The following TEAD1 variants were observed in gnomAD, a reference collection of about 807,000 sequenced individuals.
TEAD1 encodes the protein transcriptional enhancer factor TEF-1.
Under a neutral mutation model 54.9 loss-of-function variants are expected in TEAD1, and 9 were observed. That is an observed-to-expected ratio of 0.16 (90% CI 0.10 to 0.29). The LOEUF (loss-of-function observed/expected upper bound fraction) is 0.29, where lower values mean the gene tolerates loss of function less well. TEAD1 is among the 10% of genes least tolerant of loss of function. The pLI is 1.00. For synonymous variants in TEAD1, 200 were observed against 187.8 expected (o/e 1.07, Z -0.53); for missense variants, 387 against 535.9 (o/e 0.72, Z 2.74).
At chr11:12,840,172 G>A (rs939483330) in intron 3 of TEAD1, among the ~76,000 whole-genome samples, 2 of 150,570 alleles carry the variant, frequency 1.3e-5, no homozygotes, top group Non-Finnish European at 1.5e-5. Context: ...GCGTGAACCC[G>A]GGAGGCGGAG....
At chr11:12,812,344 C>G (rs1946320102) in intron 3 of TEAD1, among the ~76,000 whole-genome samples, 1 of 152,088 alleles carries the variant, frequency 6.6e-6, no homozygotes, top group South Asian at 2.1e-4. Context: ...CATGATTGAT[C>G]CCTATGTGGT....
intron 9 of TEAD1, among the ~76,000 whole-genome samples, chr11:12,900,653 T>A (rs1422336206): frequency 6.6e-6 from 1 of 152,062 alleles, no homozygotes; most frequent in Non-Finnish European, 1.5e-5. Context: ...TTTTTTTTTT[T>A]AAAGCAGGTC....
At chr11:12,858,347 A>C (rs897538084) in intron 3 of TEAD1, among the ~76,000 whole-genome samples, 13 of 152,204 alleles carry the variant, frequency 8.5e-5, no homozygotes, top group Admixed American at 2.0e-4. Context: ...AATGTTTTTG[A>C]TTTAAAGGAT....
chr11:12,917,508 G>T (rs1401214265), intron 10 of TEAD1, among the ~76,000 whole-genome samples: 1 of 152,194 alleles, frequency 6.6e-6, no homozygotes, highest in Non-Finnish European at 1.5e-5. Flanking sequence ...TAACAGTTAA[G>T]GCTGTCTGGC....
intron 12 of TEAD1, among the ~76,000 whole-genome samples, chr11:12,934,849 A>G (rs1394850315): frequency 6.6e-6 from 1 of 152,138 alleles, no homozygotes; most frequent in Non-Finnish European, 1.5e-5. Context: ...ATGGTCCTTC[A>G]GGATGAAAGA....
At chr11:12,877,529 T>C (rs943439924) in intron 5 of TEAD1, among the ~76,000 whole-genome samples, 5 of 152,130 alleles carry the variant, frequency 3.3e-5, no homozygotes, top group East Asian at 1.9e-4. Context: ...CATGGTGGCA[T>C]ATGCCTGTAA....
chr11:12,901,810 G>T, intron 9 of TEAD1, 130 bp from the exon 10 acceptor site: 1 of 1,014,644 alleles, frequency 9.9e-7, no homozygotes. Flanking sequence ...CATTTCAAAA[G>T]CATTGATCCT....
intron 2 of TEAD1, among the ~76,000 whole-genome samples, chr11:12,689,400 T>C (rs1396112567): frequency 1.3e-5 from 2 of 152,266 alleles, no homozygotes; most frequent in Admixed American, 6.5e-5. Flanking sequence ...CCTTCACTTA[T>C]CTGTTTGACC....
chr11:12,751,105 G>A (rs1944860292), intron 2 of TEAD1, among the ~76,000 whole-genome samples: 1 of 152,110 alleles, frequency 6.6e-6, no homozygotes, highest in African/African-American at 2.4e-5. Flanking sequence ...GAGGCCAGCA[G>A]TTTGAAATGA....
chr11:12,804,430 A>G (rs1693531861), intron 3 of TEAD1, among the ~76,000 whole-genome samples: 1 of 152,252 alleles, frequency 6.6e-6, no homozygotes, highest in Non-Finnish European at 1.5e-5. Flanking sequence ...CAATGCATAA[A>G]TGAGACCTTT....
At chr11:12,717,025 A>G (rs1944077733) in intron 2 of TEAD1, among the ~76,000 whole-genome samples, 1 of 152,180 alleles carries the variant, frequency 6.6e-6, no homozygotes, top group South Asian at 2.1e-4. Context: ...GTGGGTACCA[A>G]CTCACATACC....
In TEAD1 at chr11:12,862,153, A is replaced by G; in HGVS notation, c.203-97A>G. 3 of 946,636 alleles carry G rather than the reference A, an allele frequency of 3.2e-6. No individual in the cohort carries two copies. In the South Asian group the frequency reaches 4.2e-5, roughly 13 times the overall value. 58.6% of individuals were successfully genotyped at this position (946,636 alleles called of 1,614,324 possible). ...TTAGTAAACACATAGTTGTAATTTT[A>G]AAATTCTTGATTCTGAATTTTGTTT... On this transcript the variant is annotated intron_variant, in intron 3 of 12. Coordinates refer to ENST00000527636, the MANE Select transcript of TEAD1 (RefSeq NM_021961.6).
At chr11:12,830,780 GCA>G in intron 3 of TEAD1, among the ~76,000 whole-genome samples, 1 of 152,112 alleles carries the variant, frequency 6.6e-6, no homozygotes, top group African/African-American at 2.4e-5. Flanking sequence ...ACATGCACAT[GCA>G]CATGCACATT....
chr11:12,877,118 C>A (rs1045845251), intron 5 of TEAD1, among the ~76,000 whole-genome samples: 2 of 152,110 alleles, frequency 1.3e-5, no homozygotes, highest in African/African-American at 4.8e-5. Flanking sequence ...CAAATGGAGC[C>A]CCAAGTCGAA....
intron 5 of TEAD1, among the ~76,000 whole-genome samples, chr11:12,874,259 T>A (rs1363743203): frequency 1.3e-5 from 2 of 152,216 alleles, no homozygotes; most frequent in Non-Finnish European, 2.9e-5. Flanking sequence ...GATAATTGAT[T>A]TTGCAGAATA....
intron 2 of TEAD1, among the ~76,000 whole-genome samples, chr11:12,693,776 A>G (rs1470443738): frequency 6.6e-6 from 1 of 152,226 alleles, no homozygotes; most frequent in African/African-American, 2.4e-5. Flanking sequence ...TAGGGTCAGA[A>G]ACATATTAAA....
At chr11:12,889,328 G>T (rs1218476702) in intron 9 of TEAD1, among the ~76,000 whole-genome samples, 1 of 152,132 alleles carries the variant, frequency 6.6e-6, no homozygotes, top group Non-Finnish European at 1.5e-5. Flanking sequence ...AGTACACAGG[G>T]AGTGGTTTTC....
chr11:12,829,745 A>G (rs954248527), intron 3 of TEAD1, among the ~76,000 whole-genome samples: 4 of 152,204 alleles, frequency 2.6e-5, no homozygotes, highest in Admixed American at 6.5e-5. Context: ...TCAGGTGTTT[A>G]TAAGATTGAG....
rs564149297 is a variant in TEAD1 at position 12,885,929 on chromosome 11, C to T, written c.699+2804C>T. On this transcript the variant is annotated intron_variant, in intron 9 of 12. Coordinates refer to ENST00000527636, the MANE Select transcript of TEAD1 (RefSeq NM_021961.6). ...TCGCTGCCCAGACGGCCACAGCCTC[C>T]GCCCCTGGGGAGTATAATGCCTAGC... Among the ~76,000 whole-genome samples the T allele has an allele frequency of 1.9e-4, 29 of 152,292 alleles. No homozygotes were observed. The South Asian group carries it at 5.2e-3, about 27-fold the overall frequency.
Sources: allele counts gnomAD v4.1 joint callset (sites outside exome capture counted in the v4.1 genomes callset), GRCh38; gene constraint gnomAD v4.1.1; transcripts MANE v1.5; gene names NCBI Gene and HGNC (gene_info 2026-07-23, HGNC 2026-07-21).